AFG1L: variants seen among roughly 807,000 people sequenced by gnomAD.
The protein encoded by AFG1L is AFG1-like ATPase.
A neutral mutation model predicts 62.2 loss-of-function variants in AFG1L; 53 were observed. The observed-to-expected ratio is 0.85, with a 90% CI of 0.68 to 1.07. The LOEUF (loss-of-function observed/expected upper bound fraction) is 1.07, where lower values mean the gene tolerates loss of function less well. AFG1L is among the 50% of genes least tolerant of loss of function. AFG1L has a pLI of 0.00. For missense variants in AFG1L, 555 were observed against 590.5 expected (o/e 0.94, Z 0.62); for synonymous variants, 228 against 210.3 (o/e 1.08, Z -0.73).
At chr6:108,394,319 G>T (rs1211732636) in intron 6 of AFG1L, among the ~76,000 whole-genome samples, 1 of 150,512 alleles carries the variant, frequency 6.6e-6, no homozygotes, top group East Asian at 2.0e-4. Flanking sequence ...GGCTAATCTT[G>T]TTTTTTTTTA....
At chr6:108,456,036 ATTT>A (rs1772240149) in intron 8 of AFG1L, among the ~76,000 whole-genome samples, 1 of 152,116 alleles carries the variant, frequency 6.6e-6, no homozygotes, top group African/African-American at 2.4e-5. Context: ...AGGTGCTGAA[ATTT>A]CCAAGTATAA....
intron 7 of AFG1L, among the ~76,000 whole-genome samples, chr6:108,441,712 A>AAAAAAAATAT (rs1401294615): frequency 3.4e-4 from 47 of 139,492 alleles, no homozygotes; most frequent in Non-Finnish European, 4.5e-4. Context: ...AAAAAAAAAA[A>AAAAAAAATAT]ATATATATAT....
rs966116921 is a variant in AFG1L at position 108,339,998 on chromosome 6, G to GT, written c.364-6982dup. Among the ~76,000 whole-genome samples, 12 of 151,608 alleles carry GT rather than the reference G, an allele frequency of 7.9e-5. No homozygotes were observed. The East Asian group carries it at 1.6e-3, about 20-fold the overall frequency. On this transcript the variant is annotated intron_variant, in intron 2 of 12. Coordinates refer to ENST00000368977, the MANE Select transcript of AFG1L (RefSeq NM_145315.5). ...TCAAATAGTAGGACTTATTCTTTCT[G>GT]TTTTTTTTGTACCCGTTAACCATCC...
At chr6:108,401,878 C>A in intron 6 of AFG1L, 118 bp from the exon 7 acceptor site, 1 of 531,260 alleles carries the variant, frequency 1.9e-6, no homozygotes, top group South Asian at 2.6e-5. Context: ...GTCTTTTTTT[C>A]TTTTTGCTCC....
intron 3 of AFG1L, 76 bp downstream of exon 3, chr6:108,347,115 T>G (rs539291886): frequency 1.6e-6 from 2 of 1,225,390 alleles, no homozygotes; most frequent in East Asian, 4.7e-5. Context: ...GATTTCTATT[T>G]CTATCCCTCA....
At chr6:108,471,254 A>G (rs893691218) in intron 8 of AFG1L, among the ~76,000 whole-genome samples, 1 of 152,164 alleles carries the variant, frequency 6.6e-6, no homozygotes, top group African/African-American at 2.4e-5. Context: ...CTCAACCTTC[A>G]TAACTATGAC....
At chr6:108,514,325 A>G (rs1437977326) in intron 11 of AFG1L, among the ~76,000 whole-genome samples, 3 of 152,240 alleles carry the variant, frequency 2.0e-5, no homozygotes, top group African/African-American at 7.2e-5. Flanking sequence ...AAGCCAGAAG[A>G]GAGTGGGGGC....
At chr6:108,315,827 C>T (rs554431820) in intron 1 of AFG1L, among the ~76,000 whole-genome samples, 1 of 152,226 alleles carries the variant, frequency 6.6e-6, no homozygotes, top group South Asian at 2.1e-4. Flanking sequence ...GCTGAAGGAT[C>T]GTTTGAGCCC....
intron 7 of AFG1L, among the ~76,000 whole-genome samples, chr6:108,416,446 A>G: frequency 6.6e-6 from 1 of 152,236 alleles, no homozygotes; most frequent in Non-Finnish European, 1.5e-5. Context: ...AGGATTATAA[A>G]TCATGCTGCT....
chr6:108,295,124 A>C lies in AFG1L; in HGVS notation c.45A>C (p.Ala15=), dbSNP rs773333001. Residue 15 remains alanine (A), a synonymous_variant, in exon 1 of 13, where the codon GCA becomes GCC. Coordinates refer to ENST00000368977, the MANE Select transcript of AFG1L (RefSeq NM_145315.5). ...WSLLVTLRPL[A]QSPLRGRCVG... Reference sequence around the variant, plus strand: ...TCTTGGTTACCCTGCGCCCCTTAGCACAGAGCCCGCTGAGAGGGAGATGTG... The same window carrying C: ...TCTTGGTTACCCTGCGCCCCTTAGCCCAGAGCCCGCTGAGAGGGAGATGTG... 5 of 1,611,348 alleles carry C rather than the reference A, an allele frequency of 3.1e-6. No individual in the cohort carries two copies. In the South Asian group the frequency reaches 5.5e-5, roughly 18 times the overall value.
intron 8 of AFG1L, among the ~76,000 whole-genome samples, chr6:108,469,880 C>T (rs1291327439): frequency 1.3e-5 from 2 of 152,126 alleles, no homozygotes; most frequent in African/African-American, 2.4e-5. Context: ...ATTAGAATTC[C>T]AGACTTGCCA....
intron 11 of AFG1L, among the ~76,000 whole-genome samples, chr6:108,518,610 C>A (rs561026544): frequency 1.3e-5 from 2 of 152,076 alleles, no homozygotes; most frequent in South Asian, 4.1e-4. Context: ...TGTAACAAAC[C>A]TGCACGTTGT....
chr6:108,399,602 A>G (rs1781471961), intron 6 of AFG1L, among the ~76,000 whole-genome samples: 1 of 149,078 alleles, frequency 6.7e-6, no homozygotes. Context: ...TATAAATGCT[A>G]CTGATTTTTG....
intron 7 of AFG1L, among the ~76,000 whole-genome samples, chr6:108,445,715 C>G (rs1275997470): frequency 6.7e-6 from 1 of 150,000 alleles, no homozygotes; most frequent in African/African-American, 2.5e-5. Context: ...AGAATGCAAA[C>G]AGCATGTATA....
At chr6:108,352,780 G>A (rs1033088042) in intron 3 of AFG1L, among the ~76,000 whole-genome samples, 5 of 151,812 alleles carry the variant, frequency 3.3e-5, no homozygotes, top group Non-Finnish European at 5.9e-5. Flanking sequence ...CACCCGGGCT[G>A]GTCTCGAACA....
Position 108,344,376 on chromosome 6 carries a change from G to A in AFG1L, c.364-2612G>A, listed in dbSNP as rs192160649. The stretch of plus-strand genomic sequence containing the variant: ...GATCTGCCTGCCTTGGCCTCCCAAA[G>A]TGCTAGGATTACAGGCATGAGCCAT... On this transcript the variant is annotated intron_variant, in intron 2 of 12. Transcript: ENST00000368977. 3.8e-4 allele frequency among the ~76,000 whole-genome samples: 58 copies of A among 152,244 alleles called. 1 individual carries two copies. The East Asian group carries it at 3.9e-3, about 10-fold the overall frequency.
At chr6:108,332,649 C>T (rs967143349) in intron 2 of AFG1L, among the ~76,000 whole-genome samples, 9 of 151,914 alleles carry the variant, frequency 5.9e-5, no homozygotes, top group African/African-American at 2.2e-4. Flanking sequence ...AGAGTTTTGC[C>T]GTGTTGCCCA....
At chr6:108,506,487 G>A (rs1774425185) in intron 10 of AFG1L, among the ~76,000 whole-genome samples, 1 of 152,194 alleles carries the variant, frequency 6.6e-6, no homozygotes. Flanking sequence ...GGGATTACAG[G>A]TGTGAGCCAC....
At chr6:108,447,138 TGTATA>T (rs1771841825) in intron 7 of AFG1L, 71 bp from the exon 8 acceptor site, 2 of 616,756 alleles carry the variant, frequency 3.2e-6, no homozygotes, top group East Asian at 2.9e-5. Context: ...ATTTTAAAAA[TGTATA>T]GTATAAGGGA....
Sources: gnomAD v4.1 joint callset for allele counts (sites outside exome capture counted in the v4.1 genomes callset) on GRCh38, gnomAD v4.1.1 for gene constraint, MANE v1.5 for transcripts, NCBI Gene and HGNC (gene_info 2026-07-23, HGNC 2026-07-21) for gene names.